Variants in SPCS2 observed in about 807,000 individuals in gnomAD.
SPCS2 encodes the protein SPase 25 kDa subunit.
In SPCS2, 3 loss-of-function variants were observed where a neutral mutation model predicts 22.3. That is an observed-to-expected ratio of 0.13 (90% CI 0.06 to 0.35). The LOEUF (loss-of-function observed/expected upper bound fraction) is 0.35, where lower values mean the gene tolerates loss of function less well. Ranked by LOEUF, SPCS2 falls within the 10% of genes least tolerant of loss-of-function variation. The pLI, the probability that SPCS2 is intolerant of heterozygous loss-of-function variation, is 1.00. For missense variants in SPCS2, 169 were observed against 280.9 expected, an observed-to-expected ratio of 0.60 and a Z score of 2.85; for synonymous variants, 67 against 97.2, an observed-to-expected ratio of 0.69 and a Z score of 1.83.
At chr11:74,969,937 G>A (rs1038298975) in intron 4 of SPCS2, among the ~76,000 whole-genome samples, 34 of 152,278 alleles carry the variant, frequency 2.2e-4, no homozygotes, top group African/African-American at 8.2e-4. Context: ...TTTTCCTGTG[G>A]CCAGTTAACA....
In SPCS2 at chr11:74,976,887, C is replaced by G. The variant is rs1948616784; in HGVS notation, c.525C>G (p.Thr175=). The change falls in exon 5 of 5, where the codon ACC becomes ACG. Residue 175 remains threonine (T), a synonymous_variant. Coordinates refer to ENST00000263672, the MANE Select transcript of SPCS2 (RefSeq NM_014752.3). ...ATGACAAATACACCTTGAAGCTGAC[C>G]TTCATCAGTGGGAGAACAAAGCAGC... ...RFDDKYTLKL[T]FISGRTKQQR... is the part of the protein sequence containing the mutation. 2.5e-6 allele frequency: 4 copies of G among 1,613,346 alleles called. No homozygotes were observed. Among genetic ancestry groups the G allele is most frequent in the Non-Finnish European group, 3.4e-6 (4 of 1,179,604 alleles).
chr11:74,973,631 C>T (rs1205105513), intron 4 of SPCS2, among the ~76,000 whole-genome samples: 1 of 152,184 alleles, frequency 6.6e-6, no homozygotes. Flanking sequence ...TAACCCACTT[C>T]ACTTCCTCCT....
At chr11:74,951,446 G>A (rs115340664) in intron 1 of SPCS2, among the ~76,000 whole-genome samples, 3,753 of 152,210 alleles carry the variant, frequency 0.025, 169 homozygotes, top group African/African-American at 0.086. Flanking sequence ...TGGTATATTC[G>A]CTCAAGTGTG....
chr11:74,963,787 T>C (rs979009665), intron 1 of SPCS2: 2 of 179,966 alleles, frequency 1.1e-5, no homozygotes, highest in African/African-American at 4.8e-5. Context: ...TTCAGTAAAA[T>C]AATCCATTCT....
intron 3 of SPCS2, among the ~76,000 whole-genome samples, chr11:74,966,305 T>TAAG (rs1462648855): frequency 2.0e-5 from 3 of 152,184 alleles, no homozygotes; most frequent in Non-Finnish European, 2.9e-5. Context: ...AGGATCTGAT[T>TAAG]TTGGAGACTC....
intron 1 of SPCS2, among the ~76,000 whole-genome samples, chr11:74,955,294 G>A (rs537946474): frequency 1.3e-5 from 2 of 152,250 alleles, no homozygotes; most frequent in Admixed American, 6.5e-5. Flanking sequence ...TCATAACACA[G>A]TTATCATAAT....
chr11:74,969,591 C>G lies in SPCS2; in HGVS notation c.386C>G (p.Thr129Ser). Residue 129 changes from threonine to serine, a missense_variant, in exon 4 of 5, where the codon ACC becomes AGC. By Grantham distance (58) the Thr-to-Ser change is moderately conservative (BLOSUM62 1). This residue lies in a region of SPCS2 where 118 missense variants were observed against 243.1 expected (regional missense o/e 0.49). Coordinates refer to ENST00000263672, the MANE Select transcript of SPCS2 (RefSeq NM_014752.3). ...TATTTTGTGATGATGGGGATTCTGA[C>G]CATTTATACCTCATATAAGGAGAAG... is the stretch of plus-strand genomic sequence containing the variant. ...ISYFVMMGIL[T>S]IYTSYKEKSI... 6.2e-7 allele frequency: 1 copy of G among 1,613,328 alleles called. No homozygotes were observed. The highest frequency in any genetic ancestry group is 1.1e-5 in the South Asian group (1 of 91,056).
intron 1 of SPCS2, among the ~76,000 whole-genome samples, chr11:74,964,648 G>A (rs892005079): frequency 2.6e-5 from 4 of 152,042 alleles, no homozygotes; most frequent in Non-Finnish European, 1.5e-5. Context: ...CTCACATTTC[G>A]GTAAAATGAA....
intron 3 of SPCS2, among the ~76,000 whole-genome samples, chr11:74,967,767 GATAAA>G (rs1296775340): frequency 1.3e-5 from 2 of 151,882 alleles, no homozygotes; most frequent in South Asian, 4.2e-4. Context: ...AAATTAATTA[GATAAA>G]ATAAAAAATA....
At chr11:74,956,742 T>C (rs749553750) in intron 1 of SPCS2, among the ~76,000 whole-genome samples, 3 of 152,094 alleles carry the variant, frequency 2.0e-5, no homozygotes, top group Non-Finnish European at 2.9e-5. Flanking sequence ...AAACTCCAAA[T>C]CCCTAATTGT....
chr11:74,968,287 G>A (rs563388534), intron 3 of SPCS2: 6 of 152,100 alleles, frequency 3.9e-5, no homozygotes, highest in African/African-American at 1.4e-4. Flanking sequence ...CTGCCGAAGC[G>A]AGCACTGTTC....
chr11:74,962,618 A>C (rs1226742702), intron 1 of SPCS2, among the ~76,000 whole-genome samples: 1 of 152,042 alleles, frequency 6.6e-6, no homozygotes, highest in African/African-American at 2.4e-5. Context: ...AGCAGCATAC[A>C]TTTTAGTTGA....
chr11:74,966,735 T>A (rs1344411572), intron 3 of SPCS2, among the ~76,000 whole-genome samples: 3 of 149,642 alleles, frequency 2.0e-5, no homozygotes, highest in East Asian at 3.9e-4. Context: ...TTTACTTTTT[T>A]AAACAATGTT....
chr11:74,965,715 T>G lies in SPCS2; in HGVS notation c.199-48T>G, dbSNP rs754782108. On this transcript the variant is annotated intron_variant, in intron 2 of 4. Coordinates refer to ENST00000263672, the MANE Select transcript of SPCS2 (RefSeq NM_014752.3). The stretch of plus-strand genomic sequence containing the variant: ...GGAAATCAAGAATAAAAGCACATAC[T>G]GGGGAGGAAGTATTCCTATTAGCTT... 4.7e-6 allele frequency: 7 copies of G among 1,484,018 alleles called. No homozygotes were observed. The Admixed American group carries it at 1.3e-4, about 27-fold the overall frequency. 91.9% of individuals were successfully genotyped at this position (1,484,018 alleles called of 1,614,324 possible).
intron 1 of SPCS2, among the ~76,000 whole-genome samples, chr11:74,957,229 ATAT>A (rs1948485004): frequency 6.6e-6 from 1 of 152,230 alleles, no homozygotes; most frequent in Non-Finnish European, 1.5e-5. Flanking sequence ...GTGTTTAAAA[ATAT>A]TATTTTTTTC....
Position 74,977,931 on chromosome 11 carries a change from C to G in SPCS2, c.*888C>G, listed in dbSNP as rs1391734658. On this transcript the variant is annotated 3_prime_UTR_variant, in exon 5 of 5. Transcript: ENST00000263672. ...GTACTTACTTTGTGCCAGAAATGCTCCAAGTACTTTACATGTGTTAATAAT... is the reference window on the plus strand; with the variant it reads ...GTACTTACTTTGTGCCAGAAATGCTGCAAGTACTTTACATGTGTTAATAAT... 1 of 152,110 alleles carries G rather than the reference C, an allele frequency of 6.6e-6. No homozygotes were observed. Among genetic ancestry groups the G allele is most frequent in the Non-Finnish European group, 1.5e-5 (1 of 68,034 alleles). 9.4% of individuals were successfully genotyped at this position (152,110 alleles called of 1,614,324 possible).
intron 1 of SPCS2, among the ~76,000 whole-genome samples, chr11:74,949,914 C>G (rs527640774): frequency 3.3e-5 from 5 of 152,166 alleles, no homozygotes; most frequent in Admixed American, 3.3e-4. Context: ...GACTGTTCTA[C>G]TGGGCTGACA....
At chr11:74,976,228 T>C (rs1322559663) in intron 4 of SPCS2, among the ~76,000 whole-genome samples, 2 of 152,138 alleles carry the variant, frequency 1.3e-5, no homozygotes, top group East Asian at 3.9e-4. Context: ...TGCTCAAGAA[T>C]CTCCTAGACA....
intron 1 of SPCS2, among the ~76,000 whole-genome samples, chr11:74,951,790 A>G (rs2140212517): frequency 7.5e-6 from 1 of 133,758 alleles, no homozygotes; most frequent in East Asian, 2.1e-4. Flanking sequence ...AGCCTGGGCA[A>G]CAAGAGGGAA....
Sources: gnomAD v4.1 joint callset for allele counts (sites outside exome capture counted in the v4.1 genomes callset) on GRCh38, gnomAD v4.1.1 for gene constraint, gnomAD v4.1.1 regional missense constraint, MANE v1.5 for transcripts, NCBI Gene and HGNC (gene_info 2026-07-23, HGNC 2026-07-21) for gene names.